Variants in UHRF2 observed in about 807,000 individuals in gnomAD.
The protein encoded by UHRF2 is E3 ubiquitin-protein ligase UHRF2.
UHRF2 carries 23 observed loss-of-function variants against 96.8 expected under a neutral mutation model. The observed-to-expected ratio is 0.24, with a 90% confidence interval of 0.17 to 0.34. The LOEUF (loss-of-function observed/expected upper bound fraction) is 0.34, where lower values mean the gene tolerates loss of function less well. Ranked by LOEUF, UHRF2 falls within the 10% of genes least tolerant of loss-of-function variation. The pLI, the probability that UHRF2 is intolerant of heterozygous loss-of-function variation, is 1.00. For synonymous variants in UHRF2, 385 were observed against 332.6 expected (o/e 1.16, Z -1.72); for missense variants, 685 against 981.5 (o/e 0.70, Z 4.04).
intron 2 of UHRF2, among the ~76,000 whole-genome samples, chr9:6,424,674 C>G (rs1820139333): frequency 6.6e-6 from 1 of 151,610 alleles, no homozygotes; most frequent in Admixed American, 6.6e-5. Flanking sequence ...ATTTTCTTAG[C>G]TTTTACCTCA....
intron 2 of UHRF2, among the ~76,000 whole-genome samples, chr9:6,424,801 C>T (rs1045795613): frequency 1.4e-5 from 2 of 146,554 alleles, no homozygotes; most frequent in African/African-American, 2.5e-5. Context: ...TTTCAATTAC[C>T]GTGACCATTT....
chr9:6,444,555 C>T (rs1291236851), intron 3 of UHRF2, among the ~76,000 whole-genome samples: 2 of 152,196 alleles, frequency 1.3e-5, no homozygotes, highest in Non-Finnish European at 2.9e-5. Flanking sequence ...GGGACCCTCT[C>T]TCTCCCTGCT....
chr9:6,499,144 C>T (rs1037880802), intron 12 of UHRF2: 20 of 152,326 alleles, frequency 1.3e-4, no homozygotes, highest in African/African-American at 4.8e-4. Context: ...AAACTGTGAG[C>T]AGAAGCATGT....
intron 10 of UHRF2, chr9:6,496,907 A>G (rs1193946415): frequency 4.1e-6 from 1 of 244,408 alleles, no homozygotes; most frequent in South Asian, 1.7e-4. Flanking sequence ...GAAAAATTCC[A>G]TGTATTTCTA....
intron 2 of UHRF2, among the ~76,000 whole-genome samples, chr9:6,423,373 C>A (rs1255304570): frequency 6.6e-6 from 1 of 152,120 alleles, no homozygotes; most frequent in Non-Finnish European, 1.5e-5. Flanking sequence ...AAAAGCACAT[C>A]AGCTTCACTA....
chr9:6,463,400 T>G (rs947424181), intron 4 of UHRF2, among the ~76,000 whole-genome samples: 1 of 152,100 alleles, frequency 6.6e-6, no homozygotes, highest in African/African-American at 2.4e-5. Context: ...TTATTCTTTG[T>G]CATTAAAGTT....
chr9:6,447,247 G>T (rs966223375), intron 3 of UHRF2, among the ~76,000 whole-genome samples: 4 of 152,310 alleles, frequency 2.6e-5, no homozygotes, highest in South Asian at 4.1e-4. Context: ...ATAGATGTCA[G>T]GCGGTCATAC....
intron 3 of UHRF2, among the ~76,000 whole-genome samples, chr9:6,445,981 C>CTTTTTTTTTTTTTTTTTTTTTTTTTT (rs57147850): frequency 8.9e-5 from 7 of 78,906 alleles, no homozygotes; most frequent in African/African-American, 3.7e-4. Flanking sequence ...CCCCGCCACC[C>CTTTTTTTTTTTTTTTTTTTTTTTTTT]TTTTTTTTTT....
At chr9:6,416,485 G>A (rs1819605313) in intron 1 of UHRF2, among the ~76,000 whole-genome samples, 1 of 151,996 alleles carries the variant, frequency 6.6e-6, no homozygotes, top group Admixed American at 6.6e-5. Context: ...TGAGGCACGC[G>A]GGGGATTGGG....
intron 8 of UHRF2, 34 bp downstream of exon 8, chr9:6,482,133 G>A (rs781312268): frequency 2.0e-6 from 3 of 1,535,394 alleles, no homozygotes; most frequent in Non-Finnish European, 2.7e-6. Context: ...TGAAAGGGGA[G>A]AATTGGCTAT....
intron 3 of UHRF2, among the ~76,000 whole-genome samples, chr9:6,451,111 C>G (rs1051496378): frequency 6.6e-6 from 1 of 152,142 alleles, no homozygotes; most frequent in Admixed American, 6.5e-5. Context: ...TTTGCTTTAT[C>G]CTACTCACGG....
intron 5 of UHRF2, 123 bp from the exon 6 acceptor site, chr9:6,477,499 C>G (rs1480159898): frequency 1.1e-6 from 1 of 890,684 alleles, no homozygotes; most frequent in Non-Finnish European, 1.6e-6. Context: ...GCACTCCAGC[C>G]TGGGTAACAA....
chr9:6,440,436 GT>G (rs1821093611), intron 3 of UHRF2, among the ~76,000 whole-genome samples: 1 of 152,148 alleles, frequency 6.6e-6, no homozygotes, highest in African/African-American at 2.4e-5. Context: ...GAGCCCAAGA[GT>G]TAACCAATAT....
At chr9:6,447,181 GC>G (rs1338157466) in intron 3 of UHRF2, among the ~76,000 whole-genome samples, 1 of 152,224 alleles carries the variant, frequency 6.6e-6, no homozygotes, top group African/African-American at 2.4e-5. Context: ...GAGCCACCGC[GC>G]CCAGCCAGCA....
chr9:6,498,026 A>G lies in UHRF2; in HGVS notation c.1776A>G (p.Lys592=). The G allele has an allele frequency of 6.2e-7, 1 of 1,612,708 alleles. No homozygotes were observed. The highest frequency in any genetic ancestry group is 8.5e-7 in the Non-Finnish European group (1 of 1,179,918). ...NRYDGIYKVV[K]YWPEISSSHG... ...GAAATATTGTGATTTAGGTGGTGAA[A>G]TACTGGCCAGAGATTTCATCAAGCC... The change falls in exon 12 of 16, where the codon AAA becomes AAG. Residue 592 remains lysine (K), a synonymous_variant. Coordinates refer to ENST00000276893, the MANE Select transcript of UHRF2 (RefSeq NM_152896.3).
intron 1 of UHRF2, among the ~76,000 whole-genome samples, chr9:6,417,570 T>C (rs1325199371): frequency 6.6e-5 from 10 of 152,180 alleles, no homozygotes; most frequent in Non-Finnish European, 5.9e-5. Context: ...ATGTGAAGCT[T>C]TGTGGAATAA....
chr9:6,416,327 CA>C (rs1407684696), intron 1 of UHRF2, among the ~76,000 whole-genome samples: 3 of 152,096 alleles, frequency 2.0e-5, no homozygotes, highest in Non-Finnish European at 4.4e-5. Context: ...CTCGGCTTCC[CA>C]AAGTGCTGGG....
chr9:6,423,898 T>C (rs1820080097), intron 2 of UHRF2, among the ~76,000 whole-genome samples: 1 of 151,992 alleles, frequency 6.6e-6, no homozygotes, highest in Non-Finnish European at 1.5e-5. Context: ...TGAGCCAAGA[T>C]TGCGCCACTG....
intron 3 of UHRF2, among the ~76,000 whole-genome samples, chr9:6,445,580 C>G (rs1267470023): frequency 6.6e-6 from 1 of 152,072 alleles, no homozygotes; most frequent in Non-Finnish European, 1.5e-5. Context: ...ATTTTTGAGA[C>G]AGGGTCTTAC....
Sources: allele counts gnomAD v4.1 joint callset (sites outside exome capture counted in the v4.1 genomes callset), GRCh38; gene constraint gnomAD v4.1.1; transcripts MANE v1.5; gene names NCBI Gene and HGNC (gene_info 2026-07-23, HGNC 2026-07-21).